Variants in PPP2R2B observed in about 807,000 individuals in gnomAD.
The protein encoded by PPP2R2B is serine/threonine-protein phosphatase 2A 55 kDa regulatory subunit B beta isoform.
In PPP2R2B, 5 loss-of-function variants were observed where a neutral mutation model predicts 46.0. The ratio of observed to expected loss-of-function variants is 0.11; its 90% CI spans 0.06 to 0.23. The LOEUF (loss-of-function observed/expected upper bound fraction) is 0.23, where lower values mean the gene tolerates loss of function less well. Among genes scored for constraint, PPP2R2B ranks in the 10% least tolerant of loss-of-function variants. The pLI is 1.00. For synonymous variants in PPP2R2B, 215 were observed against 206.7 expected (o/e 1.04, Z -0.34); for missense variants, 367 against 575.0 (o/e 0.64, Z 3.70).
intron 2 of PPP2R2B, among the ~76,000 whole-genome samples, chr5:146,844,814 A>T (rs1759886978): frequency 6.6e-6 from 1 of 152,192 alleles, no homozygotes; most frequent in African/African-American, 2.4e-5. Context: ...TTCTCTCAAT[A>T]ACCTGTGAGG....
intron 2 of PPP2R2B, among the ~76,000 whole-genome samples, chr5:146,802,780 G>T (rs1184970064): frequency 6.6e-6 from 1 of 152,120 alleles, no homozygotes; most frequent in African/African-American, 2.4e-5. Context: ...TTTCCATAAA[G>T]GACATGTTTA....
intron 1 of PPP2R2B, among the ~76,000 whole-genome samples, chr5:146,944,817 C>T (rs1319518078): frequency 6.6e-6 from 1 of 151,972 alleles, no homozygotes; most frequent in African/African-American, 2.4e-5. Context: ...GAAAAAAGGG[C>T]ATCTAGATAA....
chr5:147,014,060 C>A (rs2151880178), intron 1 of PPP2R2B, among the ~76,000 whole-genome samples: 1 of 125,002 alleles, frequency 8.0e-6, no homozygotes, highest in Admixed American at 8.3e-5. Context: ...ACAACCCCAT[C>A]AAAAAGTGGG....
chr5:146,673,398 C>A (rs1466018193), intron 5 of PPP2R2B, among the ~76,000 whole-genome samples: 7 of 152,120 alleles, frequency 4.6e-5, no homozygotes, highest in African/African-American at 1.7e-4. Context: ...ATTTTTTTCC[C>A]TTAGTGGTCA....
intron 1 of PPP2R2B, chr5:146,919,756 T>A (rs1394034697): frequency 6.6e-6 from 1 of 152,230 alleles, no homozygotes; most frequent in African/African-American, 2.4e-5. Flanking sequence ...ATTCTTGCTA[T>A]GTAGTTGAGT....
chr5:146,629,544 C>T (rs1304863839), intron 7 of PPP2R2B, among the ~76,000 whole-genome samples: 1 of 152,188 alleles, frequency 6.6e-6, no homozygotes, highest in Non-Finnish European at 1.5e-5. Context: ...CACCCCTTGT[C>T]TGAGAACTCT....
At chr5:146,692,124 A>G (rs56122336) in intron 4 of PPP2R2B, among the ~76,000 whole-genome samples, 3,458 of 152,298 alleles carry the variant, frequency 0.023, 69 homozygotes, top group Non-Finnish European at 0.035. Context: ...TTATCACTGT[A>G]CCACCAGCAC....
intron 1 of PPP2R2B, among the ~76,000 whole-genome samples, chr5:147,027,924 G>A (rs926237068): frequency 1.3e-5 from 2 of 152,186 alleles, no homozygotes; most frequent in South Asian, 2.1e-4. Context: ...AGAGAAGTCC[G>A]TGGTTGGGGC....
At chr5:146,999,946 T>C (rs1754089129) in intron 1 of PPP2R2B, among the ~76,000 whole-genome samples, 1 of 152,128 alleles carries the variant, frequency 6.6e-6, no homozygotes, top group South Asian at 2.1e-4. Context: ...AAATACAGAT[T>C]GCTGGGCTCC....
At chr5:146,992,776 A>G (rs960192935) in intron 1 of PPP2R2B, among the ~76,000 whole-genome samples, 6 of 152,182 alleles carry the variant, frequency 3.9e-5, no homozygotes, top group African/African-American at 1.2e-4. Flanking sequence ...CAGACTTATA[A>G]TTTCATTACA....
chr5:146,777,771 A>T (rs995324258), intron 2 of PPP2R2B, among the ~76,000 whole-genome samples: 1 of 152,288 alleles, frequency 6.6e-6, no homozygotes, highest in South Asian at 2.1e-4. Flanking sequence ...GCCCTTATAA[A>T]CTGGAACTTA....
intron 1 of PPP2R2B, among the ~76,000 whole-genome samples, chr5:147,015,464 C>A (rs970475554): frequency 4.4e-4 from 67 of 151,514 alleles, no homozygotes; most frequent in African/African-American, 1.6e-3. Flanking sequence ...TCTATATTTG[C>A]CAATCTGAAG....
At chr5:146,969,096 G>A (rs1480824281) in intron 1 of PPP2R2B, among the ~76,000 whole-genome samples, 1 of 152,178 alleles carries the variant, frequency 6.6e-6, no homozygotes, top group African/African-American at 2.4e-5. Flanking sequence ...GTTGAGTTGG[G>A]GAAAAGCTCT....
intron 1 of PPP2R2B, among the ~76,000 whole-genome samples, chr5:147,008,653 G>A (rs1344429607): frequency 1.3e-5 from 2 of 152,092 alleles, no homozygotes; most frequent in Non-Finnish European, 2.9e-5. Context: ...CCTCTTCTAA[G>A]AGGCCTTCCT....
Position 146,822,535 on chromosome 5 carries a change from GTT to G in PPP2R2B, c.70+55465_70+55466del, listed in dbSNP as rs368081191. 3.6e-3 allele frequency among the ~76,000 whole-genome samples: 449 copies of G among 125,236 alleles called. 1 individual carries two copies. Among genetic ancestry groups the G allele is most frequent in the African/African-American group, 0.012 (407 of 34,242 alleles). The allele number at this position is 125,236 out of a possible 152,430, so 82.2% of individuals were successfully genotyped here. On this transcript the variant is annotated intron_variant, in intron 2 of 9. Coordinates refer to ENST00000394411, the MANE Select transcript of PPP2R2B (RefSeq NM_181675.4). ...ATTCCCTAAATTTTCTTCATTTTTG[GTT>G]TTTTTTTTTTTTTTGCTTTTTAGGT...
chr5:146,758,023 C>T (rs990055982), intron 2 of PPP2R2B, among the ~76,000 whole-genome samples: 1 of 152,146 alleles, frequency 6.6e-6, no homozygotes, highest in African/African-American at 2.4e-5. Context: ...GCTACTCAGA[C>T]CTGTCCAGAT....
rs1770382107 is a variant in PPP2R2B, at chr5:146,589,513, G to C, written c.*434C>G. The C allele has an allele frequency of 6.3e-6, 1 of 159,056 alleles. No individual in the cohort carries two copies. Among genetic ancestry groups the C allele is most frequent in the Non-Finnish European group, 1.4e-5 (1 of 72,010 alleles). The allele number at this position is 159,056 out of a possible 1,614,324, so 9.9% of individuals were successfully genotyped here. A position where few individuals can be genotyped will look rare whatever the true frequency, so the allele number is the denominator to read the frequency against. On this transcript the variant is annotated 3_prime_UTR_variant, in exon 10 of 10. Coordinates refer to ENST00000394411, the MANE Select transcript of PPP2R2B (RefSeq NM_181675.4). ...CACAAAACAAGAAGAATTTGTCTAA[G>C]AGTAAACGGTGTTTATTTTTTGTTG...
chr5:146,691,286 GCT>G, intron 4 of PPP2R2B, 46 bp from the exon 5 acceptor site: 4 of 1,541,952 alleles, frequency 2.6e-6, no homozygotes, highest in Non-Finnish European at 3.6e-6. Flanking sequence ...TGAAAAGCAA[GCT>G]CATAAGGGAG....
intron 4 of PPP2R2B, among the ~76,000 whole-genome samples, chr5:146,691,959 G>A (rs1778881073): frequency 6.6e-6 from 1 of 152,096 alleles, no homozygotes; most frequent in Non-Finnish European, 1.5e-5. Flanking sequence ...TAAAAATGCT[G>A]TCCTCAGAAC....
Sources: gnomAD v4.1 joint callset for allele counts (sites outside exome capture counted in the v4.1 genomes callset) on GRCh38, gnomAD v4.1.1 for gene constraint, MANE v1.5 for transcripts, NCBI Gene and HGNC (gene_info 2026-07-23, HGNC 2026-07-21) for gene names.